The following ADAM12 variants were observed in gnomAD, a reference collection of about 807,000 sequenced individuals.
ADAM12 encodes disintegrin and metalloproteinase domain-containing protein 12.
Under a neutral mutation model 106.4 loss-of-function variants are expected in ADAM12, and 70 were observed. The ratio of observed to expected loss-of-function variants is 0.66; its 90% CI spans 0.54 to 0.80. The LOEUF is 0.80. Among genes scored for constraint, ADAM12 ranks in the 30% least tolerant of loss-of-function variants. The pLI is 0.00. For missense variants in ADAM12, 1,010 were observed against 1,171.9 expected (o/e 0.86, Z 2.02); for synonymous variants, 420 against 433.5 (o/e 0.97, Z 0.39).
chr10:126,313,353 C>A (rs1961199240), intron 2 of ADAM12, among the ~76,000 whole-genome samples: 1 of 152,206 alleles, frequency 6.6e-6, no homozygotes, highest in African/African-American at 2.4e-5. Context: ...CTATTGGTGA[C>A]CCAGACCAAC....
chr10:126,351,309 TC>T (rs1422602015), intron 1 of ADAM12, among the ~76,000 whole-genome samples: 1 of 152,082 alleles, frequency 6.6e-6, no homozygotes, highest in African/African-American at 2.4e-5. Context: ...GGGAGCTCTG[TC>T]CTCTGCCAGC....
intron 2 of ADAM12, among the ~76,000 whole-genome samples, chr10:126,326,943 A>G (rs1213279156): frequency 6.6e-6 from 1 of 152,158 alleles, no homozygotes; most frequent in Non-Finnish European, 1.5e-5. Context: ...GCAGGCACAT[A>G]ATCCAGATTT....
chr10:126,101,196 C>G lies in ADAM12; in HGVS notation c.787G>C (p.Val263Leu), dbSNP rs781010835. ...GAGCATTTGTCCATGTCATTCCACACTTCCACGCCTACCAACACGATCCGA... is the reference window on the plus strand; with the variant it reads ...GAGCATTTGTCCATGTCATTCCACAGTTCCACGCCTACCAACACGATCCGA... Reference protein sequence around the residue: ...NIRIVLVGVEVWNDMDKCSVS... With the variant: ...NIRIVLVGVELWNDMDKCSVS... Residue 263 changes from valine (V) to leucine (L), a missense_variant, in exon 9 of 23, where the codon GTG becomes CTG. Physicochemically the swap from Val to Leu is conservative, Grantham distance 32. Around this residue, in one of 3 missense-constraint regions of ADAM12, gnomAD observed 391 missense variants for 442.9 expected, o/e 0.88. Coordinates refer to ENST00000448723, the MANE Select transcript of ADAM12 (RefSeq NM_001288973.2). 1.2e-6 allele frequency: 2 copies of G among 1,614,100 alleles called. No individual in the cohort carries two copies. The highest frequency in any genetic ancestry group is 3.3e-5 in the Admixed American group (2 of 60,006).
At chr10:126,313,439 T>C (rs868589) in intron 2 of ADAM12, among the ~76,000 whole-genome samples, 29,810 of 152,278 alleles carry the variant, frequency 0.2, 3,479 homozygotes, top group Middle Eastern at 0.29. Context: ...CCCTTGAATT[T>C]AACTTTGAAA....
intron 2 of ADAM12, among the ~76,000 whole-genome samples, chr10:126,292,564 G>T (rs67318184): frequency 6.6e-6 from 1 of 152,084 alleles, no homozygotes. Context: ...AGCATCCCAG[G>T]CTCCTCCACC....
chr10:126,345,357 C>A (rs1855099108), intron 1 of ADAM12, among the ~76,000 whole-genome samples: 1 of 152,204 alleles, frequency 6.6e-6, no homozygotes, highest in South Asian at 2.1e-4. Context: ...ACCAGCCTTG[C>A]ATCCCAGGGA....
At chr10:126,382,178 AC>A (rs1279405375) in intron 1 of ADAM12, among the ~76,000 whole-genome samples, 1 of 137,526 alleles carries the variant, frequency 7.3e-6, no homozygotes, top group Non-Finnish European at 1.7e-5. Context: ...GGGCACTGGA[AC>A]AGGGGGCACT....
intron 3 of ADAM12, among the ~76,000 whole-genome samples, chr10:126,240,732 A>G (rs1958505947): frequency 6.6e-6 from 1 of 152,184 alleles, no homozygotes. Context: ...AGCAGCTGGA[A>G]CTCAGTGAAA....
intron 3 of ADAM12, among the ~76,000 whole-genome samples, chr10:126,219,304 C>T (rs1173901844): frequency 6.6e-6 from 1 of 152,210 alleles, no homozygotes; most frequent in Non-Finnish European, 1.5e-5. Flanking sequence ...GTCCTGGTGA[C>T]CTGCTTCGGG....
chr10:126,164,938 A>G (rs1378570526), intron 3 of ADAM12, among the ~76,000 whole-genome samples: 1 of 152,242 alleles, frequency 6.6e-6, no homozygotes, highest in Non-Finnish European at 1.5e-5. Context: ...TATTTCTCAC[A>G]TCTCAACTTT....
At chr10:126,265,062 A>G (rs181213632) in intron 3 of ADAM12, among the ~76,000 whole-genome samples, 26 of 152,358 alleles carry the variant, frequency 1.7e-4, no homozygotes, top group African/African-American at 5.8e-4. Flanking sequence ...AAGTGTTTAC[A>G]GAGTATAAGA....
intron 2 of ADAM12, among the ~76,000 whole-genome samples, chr10:126,288,783 C>T (rs1366715510): frequency 1.4e-5 from 2 of 147,762 alleles, no homozygotes; most frequent in Non-Finnish European, 3.0e-5. Context: ...TGTGGTGGTA[C>T]AGTGACTCTA....
rs1957142258 is a variant in ADAM12, at chr10:126,172,792, A to G, written c.261-17487T>C. On this transcript the variant is annotated intron_variant, in intron 3 of 22. Transcript: ENST00000448723. The stretch of plus-strand genomic sequence containing the variant: ...AAAGGATTATAAATCATTCTACTAT[A>G]AAGACACATGCACACGTATGTTTAC... 2.0e-5 allele frequency among the ~76,000 whole-genome samples: 3 copies of G among 152,252 alleles called. No homozygotes were observed. The South Asian group carries it at 6.2e-4, about 32-fold the overall frequency.
intron 2 of ADAM12, among the ~76,000 whole-genome samples, chr10:126,308,872 C>T (rs1475622684): frequency 1.3e-5 from 2 of 152,172 alleles, no homozygotes; most frequent in Non-Finnish European, 2.9e-5. Context: ...CAGATCTTAT[C>T]CCTTACCAGT....
chr10:126,058,713 C>T (rs1954687475), intron 14 of ADAM12, among the ~76,000 whole-genome samples: 1 of 152,292 alleles, frequency 6.6e-6, no homozygotes, highest in East Asian at 1.9e-4. Flanking sequence ...GTCAGGATAG[C>T]GGAGGAGGGG....
intron 5 of ADAM12, among the ~76,000 whole-genome samples, chr10:126,133,126 A>G (rs1034706021): frequency 1.3e-5 from 2 of 151,518 alleles, no homozygotes; most frequent in African/African-American, 4.9e-5. Flanking sequence ...CACTGATATC[A>G]CCTCCCCTGC....
intron 3 of ADAM12, among the ~76,000 whole-genome samples, chr10:126,214,436 T>C (rs959981886): frequency 2.0e-5 from 3 of 152,210 alleles, no homozygotes; most frequent in African/African-American, 7.2e-5. Context: ...ACCTATTATA[T>C]AAATATTTGC....
chr10:126,144,488 A>G (rs990949772), intron 4 of ADAM12, among the ~76,000 whole-genome samples: 3 of 152,092 alleles, frequency 2.0e-5, no homozygotes, highest in African/African-American at 7.2e-5. Flanking sequence ...TGTTGAACGA[A>G]TGAATGAATG....
At chr10:126,080,393 T>C (rs942526495) in intron 11 of ADAM12, among the ~76,000 whole-genome samples, 7 of 152,178 alleles carry the variant, frequency 4.6e-5, no homozygotes, top group Non-Finnish European at 1.0e-4. Context: ...GGACAGCAGC[T>C]AACTGAAGTG....
Sources: gnomAD v4.1 joint callset for allele counts (sites outside exome capture counted in the v4.1 genomes callset) on GRCh38, gnomAD v4.1.1 for gene constraint, gnomAD v4.1.1 regional missense constraint, MANE v1.5 for transcripts, NCBI Gene and HGNC (gene_info 2026-07-23, HGNC 2026-07-21) for gene names.